TMEM164: variants seen among roughly 807,000 people sequenced by gnomAD.
TMEM164 encodes transmembrane protein 164, also known as RP13-360B22.2.
In TMEM164, 4 loss-of-function variants were observed where a neutral mutation model predicts 18.8. The observed-to-expected ratio is 0.21, with a 90% CI of 0.10 to 0.49. The LOEUF is 0.49. Ranked by LOEUF, TMEM164 falls within the 20% of genes least tolerant of loss-of-function variation. TMEM164 has a pLI of 0.98. For missense variants in TMEM164, 108 were observed against 239.9 expected, an observed-to-expected ratio of 0.45 and a Z score of 3.63; for synonymous variants, 86 against 101.7, an observed-to-expected ratio of 0.85 and a Z score of 0.93.
chrX:110,106,417 A>G (rs2066203215), intron 3 of TMEM164, among the ~76,000 whole-genome samples: 1 of 100,105 alleles, frequency 1.0e-5, no homozygotes, highest in Non-Finnish European at 2.0e-5. Context: ...TTTGTCACTC[A>G]GGCCGGAGTG....
chrX:110,182,458 A>C (rs995941603), downstream of TMEM164: 15 of 111,550 alleles, frequency 1.3e-4, no homozygotes, highest in African/African-American at 4.2e-4. Context: ...ATGACAGGGA[A>C]GGAGTCAGAC....
At chrX:110,024,991 G>GGTGTGTGTGTGTGT (rs3082762) in intron 2 of TMEM164, among the ~76,000 whole-genome samples, 2 of 100,188 alleles carry the variant, frequency 2.0e-5, no homozygotes, top group Admixed American at 2.2e-4. Flanking sequence ...GTTATTGTTG[G>GGTGTGTGTGTGTGT]GTGTGTGTGT....
At chrX:110,066,829 C>A (rs948297335) in intron 2 of TMEM164, among the ~76,000 whole-genome samples, 3 of 111,373 alleles carry the variant, frequency 2.7e-5, no homozygotes, top group Non-Finnish European at 5.7e-5. Context: ...AGGCTTGGAA[C>A]CTGCGGGTGG....
rs186662051 is a variant in TMEM164 at position 110,148,885 on chromosome X, A to G, written c.586+4009A>G. 4.7e-3 allele frequency among the ~76,000 whole-genome samples: 513 copies of G among 109,871 alleles called. 1 individual carries two copies. Among genetic ancestry groups the G allele is most frequent in the Admixed American group, 7.7e-3 (79 of 10,308 alleles). The stretch of plus-strand genomic sequence containing the variant: ...GCTTTTCAGCCAATACAGATGTTCA[A>G]ATCTTTCCCATTCTAAGAAACTTTC... On this transcript the variant is annotated intron_variant, in intron 5 of 6. Coordinates refer to ENST00000372068, the MANE Select transcript of TMEM164 (RefSeq NM_032227.4).
intron 4 of TMEM164, among the ~76,000 whole-genome samples, chrX:110,119,342 C>T (rs1197690352): frequency 2.7e-5 from 3 of 110,815 alleles, no homozygotes; most frequent in Non-Finnish European, 5.7e-5. Context: ...ACCTGTAATC[C>T]CAGCACTTTG....
At chrX:110,117,323 G>A (rs754439193) in intron 4 of TMEM164, among the ~76,000 whole-genome samples, 177 of 112,555 alleles carry the variant, frequency 1.6e-3, no homozygotes, top group Non-Finnish European at 3.2e-4. Flanking sequence ...CCATATGACC[G>A]CCTTTTGGCA....
chrX:110,131,984 C>T lies in TMEM164; in HGVS notation c.508-12814C>T, dbSNP rs772331109. 2.7e-5 allele frequency among the ~76,000 whole-genome samples: 3 copies of T among 111,425 alleles called. No homozygotes were observed. In the South Asian group the frequency reaches 1.1e-3, roughly 42 times the overall value. On this transcript the variant is annotated intron_variant, in intron 4 of 6. Transcript: ENST00000372068. ...TGGCAGCTAGGTAGCGTAAGTCCTTCCGTTTTCATAGTAGACTTTATTTCT... is the reference window on the plus strand; with the variant it reads ...TGGCAGCTAGGTAGCGTAAGTCCTTTCGTTTTCATAGTAGACTTTATTTCT...
chrX:110,126,146 C>T (rs1458488952), intron 4 of TMEM164, among the ~76,000 whole-genome samples: 2 of 110,537 alleles, frequency 1.8e-5, no homozygotes, highest in Non-Finnish European at 3.8e-5. Flanking sequence ...GAGATGAGAA[C>T]GAATCTTCCA....
intron 2 of TMEM164, among the ~76,000 whole-genome samples, chrX:110,037,490 G>C (rs1934866014): frequency 8.9e-6 from 1 of 111,941 alleles, no homozygotes; most frequent in African/African-American, 3.3e-5. Flanking sequence ...TTTTGCATTA[G>C]CTTCCAGTTA....
chrX:110,160,299 C>A (rs2148111157), intron 5 of TMEM164, among the ~76,000 whole-genome samples: 1 of 111,752 alleles, frequency 8.9e-6, no homozygotes, highest in East Asian at 2.8e-4. Flanking sequence ...GTGGTATTAG[C>A]CCTACCTGTG....
At chrX:110,061,656 G>A (rs1602551796) in intron 2 of TMEM164, among the ~76,000 whole-genome samples, 1 of 111,845 alleles carries the variant, frequency 8.9e-6, no homozygotes, top group Non-Finnish European at 1.9e-5. Context: ...GGATTTTAAC[G>A]CTTAACTCTT....
intron 2 of TMEM164, among the ~76,000 whole-genome samples, chrX:110,014,751 T>C (rs1166961394): frequency 1.2e-4 from 12 of 100,925 alleles, no homozygotes; most frequent in Admixed American, 8.7e-4. Context: ...TTTCTTTTTT[T>C]TTTTTTTTTT....
At chrX:110,058,083 GT>G (rs1935934033) in intron 2 of TMEM164, among the ~76,000 whole-genome samples, 1 of 111,256 alleles carries the variant, frequency 9.0e-6, no homozygotes, top group Non-Finnish European at 1.9e-5. Flanking sequence ...GGTTTCAGAT[GT>G]TACATTTAAG....
At chrX:110,031,404 C>T (rs767235183) in intron 2 of TMEM164, among the ~76,000 whole-genome samples, 1 of 111,881 alleles carries the variant, frequency 8.9e-6, no homozygotes, top group Admixed American at 9.5e-5. Flanking sequence ...ACTGCAGCCT[C>T]AAACTCTGGT....
intron 4 of TMEM164, among the ~76,000 whole-genome samples, chrX:110,130,423 G>A (rs1052873652): frequency 1.8e-5 from 2 of 111,609 alleles, no homozygotes; most frequent in African/African-American, 6.5e-5. Context: ...TAGAGTTGTA[G>A]GAATTAGCTA....
intron 3 of TMEM164, among the ~76,000 whole-genome samples, chrX:110,099,384 T>A (rs1320948466): frequency 2.7e-5 from 3 of 111,469 alleles, no homozygotes; most frequent in Non-Finnish European, 5.6e-5. Flanking sequence ...CTTCTAAGAC[T>A]TATAGTTTTA....
intron 2 of TMEM164, among the ~76,000 whole-genome samples, chrX:110,017,405 C>CCTTTCTTTCTTTGCTTCTTTCTTTCTTT (rs1933453270): frequency 6.5e-5 from 1 of 15,269 alleles, no homozygotes; most frequent in Non-Finnish European, 2.5e-4. Flanking sequence ...CCACCTCCTT[C>CCTTTCTTTCTTTGCTTCTTTCTTTCTTT]CTTTCTTTCT....
chrX:110,080,186 G>T (rs1045489103), intron 3 of TMEM164, among the ~76,000 whole-genome samples: 1 of 110,806 alleles, frequency 9.0e-6, no homozygotes, highest in Non-Finnish European at 1.9e-5. Context: ...ATCCTTCTTA[G>T]TGCCTCAAAC....
chrX:110,107,106 G>A (rs771450236), intron 3 of TMEM164, among the ~76,000 whole-genome samples: 1 of 112,418 alleles, frequency 8.9e-6, no homozygotes, highest in East Asian at 2.8e-4. Context: ...GGAAGAAGGA[G>A]GCAGACAGAC....
Sources: gnomAD v4.1 joint callset for allele counts (sites outside exome capture counted in the v4.1 genomes callset) on GRCh38, gnomAD v4.1.1 for gene constraint, MANE v1.5 for transcripts, NCBI Gene and HGNC (gene_info 2026-07-23, HGNC 2026-07-21) for gene names.